The following AP5S1 variants were observed in gnomAD, a reference collection of about 807,000 sequenced individuals.
AP5S1 encodes AP-5 complex subunit sigma-1.
AP5S1 carries 13 observed loss-of-function variants against 13.9 expected under a neutral mutation model. The ratio of observed to expected loss-of-function variants is 0.94; its 90% confidence interval spans 0.61 to 1.49. The LOEUF (loss-of-function observed/expected upper bound fraction) is 1.49, where lower values mean the gene tolerates loss of function less well. AP5S1 is among the 40% of genes most tolerant of loss of function. The pLI is 0.00. For synonymous variants in AP5S1, 132 were observed against 121.8 expected (o/e 1.08, Z -0.55); for missense variants, 292 against 272.3 (o/e 1.07, Z -0.51).
rs1475199585 is a variant in AP5S1, at chr20:3,822,027, G to T, written c.-16-75G>T. On this transcript the variant is annotated intron_variant, in intron 1 of 2. Coordinates refer to ENST00000615891, the MANE Select transcript of AP5S1 (RefSeq NM_018347.3). ...TGGATACACTCCCAGACACTGCCAG[G>T]TCAGCCCCTTCCTGTGGTCGCCTCT... 24 of 1,517,786 alleles carry T rather than the reference G, an allele frequency of 1.6e-5. No homozygotes were observed. The African/African-American group carries it at 3.3e-4, about 21-fold the overall frequency. 94.0% of individuals were successfully genotyped at this position (1,517,786 alleles called of 1,614,324 possible).
Position 3,822,192 on chromosome 20 carries a change from C to T in AP5S1, c.75C>T (p.Tyr25=). 1 of 1,614,218 alleles carries T rather than the reference C, an allele frequency of 6.2e-7. No individual in the cohort carries two copies. The highest frequency in any genetic ancestry group is 1.1e-5 in the South Asian group (1 of 91,080). Residue 25 remains tyrosine (Y), a synonymous_variant, in exon 2 of 3, where the codon TAC becomes TAT. Coordinates refer to ENST00000615891, the MANE Select transcript of AP5S1 (RefSeq NM_018347.3). ...ACACGGGCCTTTGCCGAGTGCTGTACTCCTGCGTCTTCGGTGCTGAGAAGT... is the reference window on the plus strand; with the variant it reads ...ACACGGGCCTTTGCCGAGTGCTGTATTCCTGCGTCTTCGGTGCTGAGAAGT... ...TEDTGLCRVL[Y]SCVFGAEKSP...
intron 2 of AP5S1, 192 bp from the exon 3 acceptor site, chr20:3,823,679 A>T (rs1240481892): frequency 1.0e-6 from 1 of 985,280 alleles, no homozygotes; most frequent in Non-Finnish European, 1.2e-6. Flanking sequence ...GCCACATGGA[A>T]TAAAGTGGTT....
Position 3,824,269 on chromosome 20 carries a change from A to G in AP5S1, c.575A>G (p.Lys192Arg). 2 of 1,613,964 alleles carry G rather than the reference A, an allele frequency of 1.2e-6. No homozygotes were observed. Among genetic ancestry groups the G allele is most frequent in the African/African-American group, 2.7e-5 (2 of 75,060 alleles). Reference sequence around the variant, plus strand: ...GACCAGTTTGTCCAAGGCCTGGAGAAGGAATTCAGTGCCGCTTGGCCCCGC... The same window carrying G: ...GACCAGTTTGTCCAAGGCCTGGAGAGGGAATTCAGTGCCGCTTGGCCCCGC... ...LNDQFVQGLE[K>R]EFSAAWPR Residue 192 changes from lysine (K) to arginine (R), a missense_variant, in exon 3 of 3, where the codon AAG (lysine) becomes AGG (arginine). Transcript: ENST00000615891.
At chr20:3,821,796 T>C (rs908493773) in intron 1 of AP5S1, 8 of 553,220 alleles carry the variant, frequency 1.4e-5, no homozygotes, top group Non-Finnish European at 1.8e-5. Flanking sequence ...CCTTGACGCT[T>C]TTGAAGATAC....
At chr20:3,821,823 C>G (rs1406432397) in intron 1 of AP5S1, 8 of 754,994 alleles carry the variant, frequency 1.1e-5, no homozygotes, top group Non-Finnish European at 3.2e-6. Flanking sequence ...TTTTGTAGAA[C>G]TAGGTTTAGG....
chr20:3,822,159 T>G lies in AP5S1; in HGVS notation c.42T>G (p.Asn14Lys). The G allele has an allele frequency of 6.2e-7, 1 of 1,614,182 alleles. No homozygotes were observed. The highest frequency in any genetic ancestry group is 8.5e-7 in the Non-Finnish European group (1 of 1,180,036). Residue 14 changes from asparagine to lysine, a missense_variant, in exon 2 of 3, where the codon AAT (asparagine) becomes AAG (lysine). Coordinates refer to ENST00000615891, the MANE Select transcript of AP5S1 (RefSeq NM_018347.3). ...TCATTCACACCTTGAGGGCCCCGAA[T>G]ACTGAGGACACGGGCCTTTGCCGAG... The part of the protein sequence containing the change: ...AFLIHTLRAP[N>K]TEDTGLCRVL...
chr20:3,822,027 G>C lies in AP5S1; in HGVS notation c.-16-75G>C, dbSNP rs1475199585. 5 of 1,517,904 alleles carry C rather than the reference G, an allele frequency of 3.3e-6. No homozygotes were observed. The South Asian group carries it at 6.3e-5, about 19-fold the overall frequency. 94.0% of individuals were successfully genotyped at this position (1,517,904 alleles called of 1,614,324 possible). A position where few individuals can be genotyped will look rare whatever the true frequency, so the allele number is the denominator to read the frequency against. On this transcript the variant is annotated intron_variant, in intron 1 of 2. Transcript: ENST00000615891. ...TGGATACACTCCCAGACACTGCCAGGTCAGCCCCTTCCTGTGGTCGCCTCT... is the reference window on the plus strand; with the variant it reads ...TGGATACACTCCCAGACACTGCCAGCTCAGCCCCTTCCTGTGGTCGCCTCT...
In AP5S1 at chr20:3,827,051, C is replaced by G. The variant is rs907472139; in HGVS notation, c.*2754C>G. 6.6e-6 allele frequency: 1 copy of G among 152,200 alleles called. No homozygotes were observed. Among genetic ancestry groups the G allele is most frequent in the African/African-American group, 2.4e-5 (1 of 41,446 alleles). The allele number at this position is 152,200 out of a possible 1,614,324, so 9.4% of individuals were successfully genotyped here. On this transcript the variant is annotated 3_prime_UTR_variant, in exon 3 of 3. Transcript: ENST00000615891. ...TGAGATGGCTATGGAAGCAAACTTG[C>G]CTCCCTCTCCAAGCCTCTTCCCTTT... is the stretch of plus-strand genomic sequence containing the variant.
In AP5S1 at chr20:3,828,479, A is replaced by G. The variant is rs2089636740; in HGVS notation, c.*4182A>G. 1 of 152,216 alleles carries G rather than the reference A, an allele frequency of 6.6e-6. No homozygotes were observed. Among genetic ancestry groups the G allele is most frequent in the South Asian group, 2.1e-4 (1 of 4,836 alleles). The allele number at this position is 152,216 out of a possible 1,614,324, so 9.4% of individuals were successfully genotyped here. On this transcript the variant is annotated 3_prime_UTR_variant, in exon 3 of 3. Coordinates refer to ENST00000615891, the MANE Select transcript of AP5S1 (RefSeq NM_018347.3). ...GACATGCATCTACCATTATAGTATC[A>G]TACAGAAGAGTTTCCCTGCCCGAAC... is the stretch of plus-strand genomic sequence containing the variant.
rs1375232160 is a variant in AP5S1, at chr20:3,828,065, ATCTTT to A, written c.*3775_*3779del. On this transcript the variant is annotated 3_prime_UTR_variant, in exon 3 of 3. Coordinates refer to ENST00000615891, the MANE Select transcript of AP5S1 (RefSeq NM_018347.3). Reference sequence around the variant, plus strand: ...GTGTGAGCCACCATGCCTGGCCTCAATCTTTTCTTTTAAACAATTATTCCTATATT... The same window carrying A: ...GTGTGAGCCACCATGCCTGGCCTCAATCTTTTAAACAATTATTCCTATATT... 1 of 152,156 alleles carries A rather than the reference ATCTTT, an allele frequency of 6.6e-6. No homozygotes were observed. Among genetic ancestry groups the A allele is most frequent in the South Asian group, 2.1e-4 (1 of 4,832 alleles). The allele number at this position is 152,156 out of a possible 1,614,324, so 9.4% of individuals were successfully genotyped here.
Position 3,823,899 on chromosome 20 carries a change from C to G in AP5S1, c.205C>G (p.Gln69Glu). Residue 69 changes from glutamine to glutamate, a missense_variant, in exon 3 of 3, where the codon CAG (glutamine) becomes GAG (glutamate). Transcript: ENST00000615891. ...GGTAGAGTCAATGTGTCGGCTGCAG[C>G]AGCAGGCATCTGGCCGGCCCCCCAT... ...RQVESMCRLQ[Q>E]QASGRPPMDL... 1.2e-6 allele frequency: 2 copies of G among 1,601,982 alleles called. No homozygotes were observed. Among genetic ancestry groups the G allele is most frequent in the South Asian group, 1.1e-5 (1 of 91,032 alleles).
intron 1 of AP5S1, among the ~76,000 whole-genome samples, chr20:3,821,216 C>T (rs2089577902): frequency 6.6e-6 from 1 of 152,134 alleles, no homozygotes; most frequent in Non-Finnish European, 1.5e-5. Context: ...TTTAGAGGCC[C>T]ATCCGTGTTT....
intron 2 of AP5S1, 92 bp from the exon 3 acceptor site, chr20:3,823,779 G>C (rs2089601690): frequency 6.5e-7 from 1 of 1,527,212 alleles, no homozygotes; most frequent in Middle Eastern, 2.4e-4. Flanking sequence ...TTGAGATATG[G>C]GGATGATGGT....
chr20:3,821,711 G>A (rs1244756972), intron 1 of AP5S1, among the ~76,000 whole-genome samples: 1 of 152,062 alleles, frequency 6.6e-6, no homozygotes, highest in Non-Finnish European at 1.5e-5. Context: ...AGGAGTACAC[G>A]TCGCATTCAG....
At chr20:3,821,803 A>G in intron 1 of AP5S1, 1 of 583,916 alleles carries the variant, frequency 1.7e-6, no homozygotes, top group Non-Finnish European at 2.2e-6. Flanking sequence ...GCTTTTGAAG[A>G]TACCTGTTGT....
chr20:3,821,394 CAA>C (rs1002059830), intron 1 of AP5S1, among the ~76,000 whole-genome samples: 4 of 151,690 alleles, frequency 2.6e-5, no homozygotes, highest in African/African-American at 4.8e-5. Flanking sequence ...TTTTTTGAGA[CAA>C]GAGTTTCCCT....
At position 3,827,279 on chromosome 20, in the gene AP5S1, G is replaced by GTT. The variant is rs76943001; in HGVS notation, c.*2985_*2986dup. 0.032 allele frequency: 4,952 copies of GTT among 152,398 alleles called. 113 individuals carry two copies. The highest frequency in any genetic ancestry group is 0.073 in the East Asian group (376 of 5,180). 9.4% of individuals were successfully genotyped at this position (152,398 alleles called of 1,614,324 possible). A position where few individuals can be genotyped will look rare whatever the true frequency, so the allele number is the denominator to read the frequency against. On this transcript the variant is annotated 3_prime_UTR_variant, in exon 3 of 3. Coordinates refer to ENST00000615891, the MANE Select transcript of AP5S1 (RefSeq NM_018347.3). ...GAAGTCACAGGTTTTGTTTTGTTTTGTTTTAGGCGGAGTTTCTCTTTGTTG... is the reference window on the plus strand; with the variant it reads ...GAAGTCACAGGTTTTGTTTTGTTTTGTTTTTTAGGCGGAGTTTCTCTTTGTTG...
chr20:3,825,146 T>G lies in AP5S1; in HGVS notation c.*849T>G, dbSNP rs1301244323. ...AGCAGCAGGATTCTGCAGCTCCTTT[T>G]GTGCCAAGCCCGTTCCCACCAGGCA... On this transcript the variant is annotated 3_prime_UTR_variant, in exon 3 of 3. Transcript: ENST00000615891. 6.6e-6 allele frequency: 1 copy of G among 152,254 alleles called. No individual in the cohort carries two copies. The highest frequency in any genetic ancestry group is 1.9e-4 in the East Asian group (1 of 5,190). The allele number at this position is 152,254 out of a possible 1,614,324, so 9.4% of individuals were successfully genotyped here.
Position 3,826,877 on chromosome 20 carries a change from C to T in AP5S1, c.*2580C>T, listed in dbSNP as rs1189934129. The stretch of plus-strand genomic sequence containing the variant: ...CCCCAAAGTTCCAGGAGAGACAGAG[C>T]TAAGGCCAGGTGACTGCAGATGACT... On this transcript the variant is annotated 3_prime_UTR_variant, in exon 3 of 3. Coordinates refer to ENST00000615891, the MANE Select transcript of AP5S1 (RefSeq NM_018347.3). 1 of 152,312 alleles carries T rather than the reference C, an allele frequency of 6.6e-6. No homozygotes were observed. The highest frequency in any genetic ancestry group is 2.4e-5 in the African/African-American group (1 of 41,462). 9.4% of individuals were successfully genotyped at this position (152,312 alleles called of 1,614,324 possible). A position where few individuals can be genotyped will look rare whatever the true frequency, so the allele number is the denominator to read the frequency against.
Sources: gnomAD v4.1 joint callset for allele counts (sites outside exome capture counted in the v4.1 genomes callset) on GRCh38, gnomAD v4.1.1 for gene constraint, MANE v1.5 for transcripts, NCBI Gene and HGNC (gene_info 2026-07-23, HGNC 2026-07-21) for gene names.